SPTBN4: variants seen among roughly 807,000 people sequenced by gnomAD.
SPTBN4 encodes the protein spectrin beta chain, non-erythrocytic 4.
SPTBN4 carries 96 observed loss-of-function variants against 277.8 expected under a neutral mutation model. The observed-to-expected ratio is 0.35, with a 90% CI of 0.29 to 0.41. The LOEUF is 0.41. Ranked by LOEUF, SPTBN4 falls within the 10% of genes least tolerant of loss-of-function variation. The pLI, the probability that SPTBN4 is intolerant of heterozygous loss-of-function variation, is 1.00. For missense variants in SPTBN4, 3,006 were observed against 3,595.7 expected (o/e 0.84, Z 4.19); for synonymous variants, 1,481 against 1,580.3 (o/e 0.94, Z 1.49).
chr19:40,489,314 C>A (rs1312938257), intron 3 of SPTBN4, among the ~76,000 whole-genome samples: 2 of 151,338 alleles, frequency 1.3e-5, no homozygotes, highest in Non-Finnish European at 2.9e-5. Context: ...TGGGGCAGGG[C>A]GGAGCTTGAT....
At chr19:40,559,500 T>C (rs574670639) in intron 26 of SPTBN4, among the ~76,000 whole-genome samples, 5 of 152,216 alleles carry the variant, frequency 3.3e-5, no homozygotes, top group Non-Finnish European at 7.4e-5. Flanking sequence ...CATATATGTA[T>C]ATATCCTGAT....
chr19:40,567,393 T>G (rs2081105069), intron 30 of SPTBN4, among the ~76,000 whole-genome samples: 1 of 150,828 alleles, frequency 6.6e-6, no homozygotes, highest in Admixed American at 6.6e-5. Context: ...GAAATGGGAG[T>G]CAGAAAGGCA....
rs1465450375 is a variant in SPTBN4 at position 40,575,582 on chromosome 19, A to G, written c.*13A>G. 2 of 1,602,958 alleles carry G rather than the reference A, an allele frequency of 1.2e-6. No individual in the cohort carries two copies. The highest frequency in any genetic ancestry group is 1.7e-5 in the Admixed American group (1 of 59,310). ...GCGCAGGAAGTGACTTCCCACCCCC[A>G]GGACCTGACACATCTCGTCTCCCCT... On this transcript the variant is annotated 3_prime_UTR_variant, in exon 36 of 36. Coordinates refer to ENST00000598249, the MANE Select transcript of SPTBN4 (RefSeq NM_020971.3).
At chr19:40,508,281 T>C (rs1447976413) in intron 13 of SPTBN4, among the ~76,000 whole-genome samples, 1 of 152,210 alleles carries the variant, frequency 6.6e-6, no homozygotes, top group Non-Finnish European at 1.5e-5. Flanking sequence ...GTCTTACTTA[T>C]GTCAATGCCC....
At position 40,549,177 on chromosome 19, in the gene SPTBN4, C is replaced by T; in HGVS notation, c.4360-12C>T. On this transcript the variant is annotated splice_polypyrimidine_tract_variant and intron_variant, in intron 20 of 35. Coordinates refer to ENST00000598249, the MANE Select transcript of SPTBN4 (RefSeq NM_020971.3). ...CGGGTGGGGCCCATTGACCCTGCCT[C>T]TGTCCCCACAGTCCATGGAGTCGCA... 6.5e-7 allele frequency: 1 copy of T among 1,535,880 alleles called. No homozygotes were observed. Among genetic ancestry groups the T allele is most frequent in the Non-Finnish European group, 8.8e-7 (1 of 1,140,542 alleles).
intron 20 of SPTBN4, 160 bp downstream of exon 20, chr19:40,534,503 G>C: frequency 1.0e-6 from 1 of 970,246 alleles, no homozygotes; most frequent in Non-Finnish European, 1.5e-6. Context: ...AATCCAGCTA[G>C]TAATAACTGT....
chr19:40,519,339 G>A lies in SPTBN4; in HGVS notation c.2904-62G>A. On this transcript the variant is annotated intron_variant, in intron 15 of 35. Coordinates refer to ENST00000598249, the MANE Select transcript of SPTBN4 (RefSeq NM_020971.3). The surrounding 1 kb of genome is among the most constrained non-coding windows in gnomAD (Gnocchi z 5.7). The stretch of plus-strand genomic sequence containing the variant: ...GGCCTGGATTCTACCCTGGGTCGGC[G>A]GGCCCTCCGCGCCCAAGAGGAGTCC... The A allele has an allele frequency of 7.1e-7, 1 of 1,413,674 alleles. No individual in the cohort carries two copies. The highest frequency in any genetic ancestry group is 2.0e-4 in the Middle Eastern group (1 of 5,128). The allele number at this position is 1,413,674 out of a possible 1,614,324, so 87.6% of individuals were successfully genotyped here. A position where few individuals can be genotyped will look rare whatever the true frequency, so the allele number is the denominator to read the frequency against.
chr19:40,574,424 C>G (rs2081182505), intron 35 of SPTBN4, among the ~76,000 whole-genome samples: 1 of 151,260 alleles, frequency 6.6e-6, no homozygotes, highest in South Asian at 2.1e-4. Flanking sequence ...TGCCATGGCG[C>G]AATCTCAGCT....
Position 40,554,623 on chromosome 19 carries a change from G to A in SPTBN4, c.5061G>A (p.Leu1687=). 1 of 1,583,814 alleles carries A rather than the reference G, an allele frequency of 6.3e-7. No individual in the cohort carries two copies. Residue 1687 remains leucine (L), a synonymous_variant, in exon 24 of 36, where the codon CTG becomes CTA. Coordinates refer to ENST00000598249, the MANE Select transcript of SPTBN4 (RefSeq NM_020971.3). This position sits in a 1 kb window ranked among gnomAD's most constrained non-coding sequence, Gnocchi z 5.7. Reference sequence around the variant, plus strand: ...AGCTGTCGCGCCAGTGCCGGGCGCTGCTGGAGATGGGGCACCCGGACAGGT... The same window carrying A: ...AGCTGTCGCGCCAGTGCCGGGCGCTACTGGAGATGGGGCACCCGGACAGGT... ...IAQLSRQCRA[L]LEMGHPDSEQ... is the part of the protein sequence containing the mutation.
At chr19:40,546,386 G>A (rs2080860644) in intron 20 of SPTBN4, among the ~76,000 whole-genome samples, 1 of 152,062 alleles carries the variant, frequency 6.6e-6, no homozygotes, top group South Asian at 2.1e-4. Flanking sequence ...TTTTTGGGCA[G>A]TCCTTTTTTT....
At chr19:40,574,375 T>A (rs917179995) in intron 35 of SPTBN4, among the ~76,000 whole-genome samples, 2 of 151,934 alleles carry the variant, frequency 1.3e-5, no homozygotes, top group Non-Finnish European at 2.9e-5. Context: ...CTTTTTTTTT[T>A]TTTGAGACAG....
At chr19:40,493,486 T>C (rs35155565) in intron 5 of SPTBN4, among the ~76,000 whole-genome samples, 57,172 of 152,112 alleles carry the variant, frequency 0.38, 13,259 homozygotes, top group African/African-American at 0.66. Context: ...GACTTTGAGA[T>C]CAGCCTAGGC....
chr19:40,566,103 A>G (rs1599818910), intron 29 of SPTBN4, 60 bp from the exon 30 acceptor site: 2 of 1,437,536 alleles, frequency 1.4e-6, no homozygotes, highest in African/African-American at 1.4e-5. Flanking sequence ...GGGAACAGCC[A>G]TTGCCCCCAG....
At position 40,557,228 on chromosome 19, in the gene SPTBN4, C is replaced by T. The variant is rs1324036792; in HGVS notation, c.5495C>T (p.Ala1832Val). The T allele has an allele frequency of 6.2e-7, 1 of 1,611,832 alleles. No individual in the cohort carries two copies. The highest frequency in any genetic ancestry group is 8.5e-7 in the Non-Finnish European group (1 of 1,178,446). The change falls in exon 26 of 36, where the codon GCC (alanine) becomes GTC (valine). Residue 1832 changes from alanine (A) to valine (V), a missense_variant. Physicochemically the swap from Ala to Val is moderately conservative, Grantham distance 64 (BLOSUM62 0). Transcript: ENST00000598249. The stretch of plus-strand genomic sequence containing the variant: ...GGCACACGGGCCCAGCTGCTGGCCG[C>T]CTCTCGGGAGCTTCATAAGTTCTTC... Reference protein sequence around the residue: ...LMGTRAQLLAASRELHKFFSD... With the variant: ...LMGTRAQLLAVSRELHKFFSD...
chr19:40,473,417 G>C (rs1387210981), intron 2 of SPTBN4, among the ~76,000 whole-genome samples: 1 of 146,782 alleles, frequency 6.8e-6, no homozygotes, highest in Non-Finnish European at 1.5e-5. Flanking sequence ...GAGTGCAGTG[G>C]CGCGATCTCG....
At chr19:40,529,187 T>A in intron 18 of SPTBN4, 56 bp downstream of exon 18, 1 of 1,520,496 alleles carries the variant, frequency 6.6e-7, no homozygotes, top group Non-Finnish European at 9.1e-7. Context: ...GGGAGGGAAG[T>A]GCTTCTCGGC....
chr19:40,558,768 T>C (rs1011914156), intron 26 of SPTBN4, among the ~76,000 whole-genome samples: 50 of 151,410 alleles, frequency 3.3e-4, no homozygotes, highest in African/African-American at 9.9e-4. Context: ...CCACCACACC[T>C]GGCTAATTTT....
At chr19:40,482,932 G>T (rs2080028811) in intron 2 of SPTBN4, among the ~76,000 whole-genome samples, 1 of 151,984 alleles carries the variant, frequency 6.6e-6, no homozygotes, top group African/African-American at 2.4e-5. Context: ...CTGCACTCCA[G>T]CCTGGGAGAC....
At chr19:40,494,024 G>A (rs1368068617) in intron 5 of SPTBN4, among the ~76,000 whole-genome samples, 1 of 152,220 alleles carries the variant, frequency 6.6e-6, no homozygotes, top group Non-Finnish European at 1.5e-5. Flanking sequence ...TGGCTGAGCT[G>A]GTGGCGGGGT....
Sources: gnomAD v4.1 joint callset for allele counts (sites outside exome capture counted in the v4.1 genomes callset) on GRCh38, gnomAD v4.1.1 for gene constraint, Gnocchi (gnomAD v3.1) non-coding constraint, MANE v1.5 for transcripts, NCBI Gene and HGNC (gene_info 2026-07-23, HGNC 2026-07-21) for gene names.